ADAMTS18: variants seen among roughly 807,000 people sequenced by gnomAD.
ADAMTS18 encodes A disintegrin and metalloproteinase with thrombospondin motifs 18.
Under a neutral mutation model 165.9 loss-of-function variants are expected in ADAMTS18, and 157 were observed. The ratio of observed to expected loss-of-function variants is 0.95; its 90% CI spans 0.83 to 1.08. ADAMTS18 has a LOEUF of 1.08. ADAMTS18 is among the 50% of genes least tolerant of loss of function. The pLI, the probability that ADAMTS18 is intolerant of heterozygous loss-of-function variation, is 0.00. For synonymous variants in ADAMTS18, 782 were observed against 578.2 expected, an observed-to-expected ratio of 1.35 and a Z score of -5.06; for missense variants, 2,040 against 1,534.0, an observed-to-expected ratio of 1.33 and a Z score of -5.51.
chr16:77,413,840 G>C (rs934504101), intron 3 of ADAMTS18, among the ~76,000 whole-genome samples: 2 of 141,886 alleles, frequency 1.4e-5, no homozygotes, highest in Non-Finnish European at 3.1e-5. Flanking sequence ...AATTAAACTA[G>C]CAAGTTTTAA....
chr16:77,399,543 G>C (rs569321380), intron 3 of ADAMTS18, among the ~76,000 whole-genome samples: 1 of 152,162 alleles, frequency 6.6e-6, no homozygotes, highest in Non-Finnish European at 1.5e-5. Flanking sequence ...TTCATTAAGA[G>C]ACTCTACTAC....
At chr16:77,356,635 T>A (rs1025408384) in intron 8 of ADAMTS18, among the ~76,000 whole-genome samples, 1 of 152,128 alleles carries the variant, frequency 6.6e-6, no homozygotes, top group Non-Finnish European at 1.5e-5. Flanking sequence ...AACATTTTTT[T>A]AACATGCTTG....
At position 77,431,446 on chromosome 16, in the gene ADAMTS18, G is replaced by A. The variant is rs145596475; in HGVS notation, c.344C>T (p.Ser115Leu). The A allele has an allele frequency of 1.2e-5, 20 of 1,614,056 alleles. No individual in the cohort carries two copies. Among genetic ancestry groups the A allele is most frequent in the South Asian group, 5.5e-5 (5 of 91,082 alleles). Residue 115 changes from serine to leucine, a missense_variant, in exon 3 of 23, where the codon TCG becomes TTG. Coordinates refer to ENST00000282849, the MANE Select transcript of ADAMTS18 (RefSeq NM_199355.4). ...AATAAAGTGACTGCTCAAAATCGCCGAGGGCTTAAGTTCTAAGTGCAGTTC... is the reference window on the plus strand; with the variant it reads ...AATAAAGTGACTGCTCAAAATCGCCAAGGGCTTAAGTTCTAAGTGCAGTTC... ...GQELHLELKP[S>L]AILSSHFIVQ...
At chr16:77,326,818 C>G (rs563479853) in intron 12 of ADAMTS18, among the ~76,000 whole-genome samples, 1 of 152,204 alleles carries the variant, frequency 6.6e-6, no homozygotes, top group African/African-American at 2.4e-5. Flanking sequence ...TGTTTCATCA[C>G]CCAGGTAATA....
At position 77,434,919 on chromosome 16, in the gene ADAMTS18, C is replaced by T. The variant is rs1019240492; in HGVS notation, c.-224G>A. 5 of 391,532 alleles carry T rather than the reference C, an allele frequency of 1.3e-5. No individual in the cohort carries two copies. The highest frequency in any genetic ancestry group is 6.4e-5 in the African/African-American group (3 of 47,010). The allele number at this position is 391,532 out of a possible 1,614,324, so 24.3% of individuals were successfully genotyped here. A position where few individuals can be genotyped will look rare whatever the true frequency, so the allele number is the denominator to read the frequency against. On this transcript the variant is annotated 5_prime_UTR_variant, in exon 1 of 23. Transcript: ENST00000282849. Reference sequence around the variant, plus strand: ...CGCGGGCCTGCCGAGCTGCAGTTTGCGGCACCCCAGAGGGTACGGGGGGCT... The same window carrying T: ...CGCGGGCCTGCCGAGCTGCAGTTTGTGGCACCCCAGAGGGTACGGGGGGCT...
chr16:77,329,032 T>C (rs8048250), intron 12 of ADAMTS18, among the ~76,000 whole-genome samples: 1,640 of 152,114 alleles, frequency 0.011, 29 homozygotes, highest in African/African-American at 0.037. Flanking sequence ...TGGGGCCGGG[T>C]ATGGAAAGAA....
intron 3 of ADAMTS18, among the ~76,000 whole-genome samples, chr16:77,403,852 G>A (rs1439020565): frequency 1.3e-5 from 2 of 152,136 alleles, no homozygotes; most frequent in East Asian, 1.9e-4. Flanking sequence ...GAAGGGACAC[G>A]ATGCCATGCA....
At chr16:77,381,672 C>T (rs183043086) in intron 3 of ADAMTS18, among the ~76,000 whole-genome samples, 27 of 152,210 alleles carry the variant, frequency 1.8e-4, no homozygotes, top group African/African-American at 6.5e-4. Flanking sequence ...TGTAGTGACG[C>T]ACGCCTGTAA....
At chr16:77,402,791 C>G (rs1030907625) in intron 3 of ADAMTS18, among the ~76,000 whole-genome samples, 3 of 152,140 alleles carry the variant, frequency 2.0e-5, no homozygotes, top group African/African-American at 7.2e-5. Context: ...CAAAATTATT[C>G]TAACTCTCTG....
At chr16:77,424,294 C>T (rs952170283) in intron 3 of ADAMTS18, among the ~76,000 whole-genome samples, 3 of 152,114 alleles carry the variant, frequency 2.0e-5, no homozygotes, top group African/African-American at 7.2e-5. Flanking sequence ...CATGGAGAAA[C>T]CCCATTTCAA....
intron 3 of ADAMTS18, among the ~76,000 whole-genome samples, chr16:77,376,481 A>G (rs1172231158): frequency 6.6e-6 from 1 of 152,000 alleles, no homozygotes; most frequent in Non-Finnish European, 1.5e-5. Context: ...AGCTGCCCCA[A>G]CTCTCCACCC....
At position 77,362,131 on chromosome 16, in the gene ADAMTS18, C is replaced by G. The variant is rs2056724359; in HGVS notation, c.1190G>C (p.Trp397Ser). ...ILLTGFDICS[W>S]KNEPCDTLGF... ...TAGAGTGTCACATGGTTCATTCTTCCAAGAACAAATATCAAATCCTGTTAG... is the reference window on the plus strand; with the variant it reads ...TAGAGTGTCACATGGTTCATTCTTCGAAGAACAAATATCAAATCCTGTTAG... Residue 397 changes from tryptophan (W) to serine (S), a missense_variant, in exon 7 of 23, where the codon TGG (tryptophan) becomes TCG (serine). Transcript: ENST00000282849. 3.1e-6 allele frequency: 5 copies of G among 1,614,012 alleles called. No homozygotes were observed. Among genetic ancestry groups the G allele is most frequent in the Middle Eastern group, 1.7e-4 (1 of 6,060 alleles).
intron 10 of ADAMTS18, among the ~76,000 whole-genome samples, chr16:77,352,865 C>G (rs533554942): frequency 1.1e-4 from 17 of 151,968 alleles, no homozygotes; most frequent in Admixed American, 4.6e-4. Context: ...AATCCCAGCA[C>G]TTGGGAGGCC....
chr16:77,329,677 T>C (rs1053609851), intron 12 of ADAMTS18, among the ~76,000 whole-genome samples: 8 of 152,224 alleles, frequency 5.3e-5, no homozygotes, highest in Admixed American at 3.9e-4. Context: ...AATTATGGGA[T>C]ATGGTCAAAG....
rs2144569318 is a variant in ADAMTS18 at position 77,292,689 on chromosome 16, T to C, written c.3189+387A>G. On this transcript the variant is annotated intron_variant, in intron 20 of 22. Transcript: ENST00000282849. ...AGGCTTGATCAATGTGGGGGTGCTT[T>C]AGCAATGTTTCGTGAAGAAATCAGG... is the stretch of plus-strand genomic sequence containing the variant. Among the ~76,000 whole-genome samples, 4 of 152,348 alleles carry C rather than the reference T, an allele frequency of 2.6e-5. No individual in the cohort carries two copies. In the South Asian group the frequency reaches 8.3e-4, roughly 32 times the overall value.
At chr16:77,353,976 G>T (rs972638776) in intron 9 of ADAMTS18, 90 bp from the exon 10 acceptor site, 1 of 1,465,878 alleles carries the variant, frequency 6.8e-7, no homozygotes, top group Non-Finnish European at 9.5e-7. Context: ...TTCATGCAAA[G>T]AAAAATATAG....
At chr16:77,384,342 T>A (rs1411330257) in intron 3 of ADAMTS18, among the ~76,000 whole-genome samples, 1 of 152,152 alleles carries the variant, frequency 6.6e-6, no homozygotes, top group Non-Finnish European at 1.5e-5. Context: ...TCACAGCACA[T>A]ATCAAGGAAA....
chr16:77,293,793 C>A (rs2055413944), intron 19 of ADAMTS18, among the ~76,000 whole-genome samples: 1 of 149,272 alleles, frequency 6.7e-6, no homozygotes, highest in Admixed American at 6.8e-5. Flanking sequence ...CAGTTCACAA[C>A]AGGGTTCAAA....
At chr16:77,340,110 T>G (rs2056376017) in intron 11 of ADAMTS18, among the ~76,000 whole-genome samples, 1 of 152,174 alleles carries the variant, frequency 6.6e-6, no homozygotes, top group Admixed American at 6.5e-5. Flanking sequence ...TTAGAGAAGG[T>G]GTCTTTAAAG....
Sources: gnomAD v4.1 joint callset for allele counts (sites outside exome capture counted in the v4.1 genomes callset) on GRCh38, gnomAD v4.1.1 for gene constraint, MANE v1.5 for transcripts, NCBI Gene and HGNC (gene_info 2026-07-23, HGNC 2026-07-21) for gene names.